Variants in GAS2 observed in about 807,000 individuals in gnomAD.
GAS2 encodes the protein growth arrest specific 2, also known as growth arrest-specific protein 2.
GAS2 carries 20 observed loss-of-function variants against 37.5 expected under a neutral mutation model. The observed-to-expected ratio is 0.53, with a 90% CI of 0.37 to 0.77. GAS2 has a LOEUF of 0.77. Ranked by LOEUF, GAS2 falls within the 30% of genes least tolerant of loss-of-function variation. The probability of loss-of-function intolerance (pLI) is 0.00; values close to 1 mark genes in which losing one functional copy is unlikely to be tolerated. For synonymous variants in GAS2, 144 were observed against 132.2 expected (o/e 1.09, Z -0.61); for missense variants, 336 against 373.4 (o/e 0.90, Z 0.82).
In GAS2 at chr11:22,646,857, C is replaced by T. The variant is rs898436553; in HGVS notation, c.-21+21044C>T. Among the ~76,000 whole-genome samples, 5 of 151,664 alleles carry T rather than the reference C, an allele frequency of 3.3e-5. No homozygotes were observed. In the East Asian group the frequency reaches 7.7e-4, roughly 23 times the overall value. On this transcript the variant is annotated intron_variant, in intron 1 of 5. Transcript: ENST00000528582. The stretch of plus-strand genomic sequence containing the variant: ...CTTCCTTCCTTCTTTCTTTTCTTCT[C>T]ATTTGTGCTTGCTTGCTTTCTCTTT...
chr11:22,752,802 A>G (rs1257788499), intron 6 of GAS2, among the ~76,000 whole-genome samples: 2 of 152,106 alleles, frequency 1.3e-5, no homozygotes, highest in Admixed American at 1.3e-4. Flanking sequence ...GAAACCTTCA[A>G]TGTTTCTTCA....
intron 1 of GAS2, among the ~76,000 whole-genome samples, chr11:22,646,696 G>A (rs187582056): frequency 2.4e-3 from 361 of 152,206 alleles, no homozygotes; most frequent in African/African-American, 8.5e-3. Context: ...TATTTTTATG[G>A]CATTTCTTTT....
chr11:22,637,433 T>C lies in GAS2; in HGVS notation c.-21+11620T>C, dbSNP rs1266835269. ...CTTAATATAATATTAATTATATTAATAGTATACTTAATATAATATTAATTA... is the reference window on the plus strand; with the variant it reads ...CTTAATATAATATTAATTATATTAACAGTATACTTAATATAATATTAATTA... On this transcript the variant is annotated intron_variant, in intron 1 of 5. Coordinates refer to the GAS2 transcript ENST00000528582. 6.2e-5 allele frequency among the ~76,000 whole-genome samples: 3 copies of C among 48,058 alleles called. 1 individual carries two copies. The highest frequency in any genetic ancestry group is 9.6e-5 in the Non-Finnish European group (3 of 31,410). 31.5% of individuals were successfully genotyped at this position (48,058 alleles called of 152,430 possible). A position where few individuals can be genotyped will look rare whatever the true frequency, so the allele number is the denominator to read the frequency against.
intron 4 of GAS2, among the ~76,000 whole-genome samples, chr11:22,734,112 C>G (rs1219941022): frequency 1.3e-5 from 2 of 151,614 alleles, no homozygotes; most frequent in Admixed American, 6.6e-5. Flanking sequence ...ATTATCTTGA[C>G]AAAGGTATAC....
In GAS2 at chr11:22,704,076, A is replaced by G. The variant is rs145651844; in HGVS notation, c.267+18287A>G. ...GTGACAAGGAAGAAAAGAACCCTAC[A>G]ATGAAGGTGAAACAACTCAATAAAT... On this transcript the variant is annotated intron_variant, in intron 3 of 7. Transcript: ENST00000454584. Among the ~76,000 whole-genome samples, 285 of 152,286 alleles carry G rather than the reference A, an allele frequency of 1.9e-3. 2 individuals are homozygous for G. Among genetic ancestry groups the G allele is most frequent in the African/African-American group, 6.3e-3 (264 of 41,576 alleles).
chr11:22,650,024 G>A (rs377182091), intron 1 of GAS2, among the ~76,000 whole-genome samples: 1 of 151,184 alleles, frequency 6.6e-6, no homozygotes. Flanking sequence ...TGTCAATTTT[G>A]GATCTTTCCT....
chr11:22,745,701 A>G (rs143108759), intron 5 of GAS2, among the ~76,000 whole-genome samples: 7 of 152,328 alleles, frequency 4.6e-5, no homozygotes, highest in Non-Finnish European at 4.4e-5. Context: ...CACACCTGAC[A>G]AAGGTCTAAT....
intron 3 of GAS2, chr11:22,702,604 A>G (rs554940957): frequency 6.6e-6 from 1 of 152,312 alleles, no homozygotes; most frequent in South Asian, 2.1e-4. Context: ...AAATTATAAG[A>G]GGGTAAAATA....
chr11:22,638,822 A>G (rs1858874023), intron 1 of GAS2, among the ~76,000 whole-genome samples: 1 of 152,078 alleles, frequency 6.6e-6, no homozygotes, highest in Non-Finnish European at 1.5e-5. Flanking sequence ...AACAAGTAGA[A>G]TTGGACTCCA....
chr11:22,663,982 GTTA>G (rs1485289872), upstream of GAS2, among the ~76,000 whole-genome samples: 1 of 152,072 alleles, frequency 6.6e-6, no homozygotes, highest in African/African-American at 2.4e-5. Context: ...AATGATTTAA[GTTA>G]TTATTAAATA....
rs1410678786 is a variant in GAS2 at position 22,812,202 on chromosome 11, T to C, written c.*186T>C. The C allele has an allele frequency of 1.9e-6, 1 of 531,642 alleles. No individual in the cohort carries two copies. Among genetic ancestry groups the C allele is most frequent in the South Asian group, 2.9e-5 (1 of 34,134 alleles). 32.9% of individuals were successfully genotyped at this position (531,642 alleles called of 1,614,324 possible). A position where few individuals can be genotyped will look rare whatever the true frequency, so the allele number is the denominator to read the frequency against. ...AATGCTTCTGTAGAATATGACCTAT[T>C]AAAAGAAAATCTAAACTCAAATTTA... On this transcript the variant is annotated 3_prime_UTR_variant, in exon 8 of 8. Transcript: ENST00000454584.
In GAS2 at chr11:22,811,901, G is replaced by T. The variant is rs752428470; in HGVS notation, c.827G>T (p.Arg276Leu). ...HDPCRMLQIS[R>L]VDGKTSPIQS... ...CCCTGCCGAATGCTGCAGATCTCCC[G>T]TGTGGATGGCAAAACATCCCCTATC... is the stretch of plus-strand genomic sequence containing the variant. The change falls in exon 8 of 8, where the codon CGT becomes CTT. Residue 276 changes from arginine (R) to leucine (L), a missense_variant. By Grantham distance (102) the Arg-to-Leu change is moderately radical. Coordinates refer to ENST00000454584, the MANE Select transcript of GAS2 (RefSeq NM_001143830.3). The T allele has an allele frequency of 3.1e-6, 5 of 1,614,090 alleles. No homozygotes were observed. In the South Asian group the frequency reaches 4.4e-5, roughly 14 times the overall value.
chr11:22,638,676 T>C (rs1241095108), intron 1 of GAS2, among the ~76,000 whole-genome samples: 1 of 152,200 alleles, frequency 6.6e-6, no homozygotes, highest in Non-Finnish European at 1.5e-5. Flanking sequence ...CAAGAAATTA[T>C]AGGACACTAT....
chr11:22,731,377 A>G (rs2134191636), intron 4 of GAS2: 1 of 448,154 alleles, frequency 2.2e-6, no homozygotes, highest in Non-Finnish European at 4.5e-6. Context: ...CTGAGAAAGA[A>G]TCTACTCAAC....
At chr11:22,640,549 A>G (rs540896602) in intron 1 of GAS2, among the ~76,000 whole-genome samples, 2 of 152,316 alleles carry the variant, frequency 1.3e-5, no homozygotes, top group South Asian at 2.1e-4. Flanking sequence ...TCTCAAGCAT[A>G]TAAAGAGAAC....
intron 7 of GAS2, among the ~76,000 whole-genome samples, chr11:22,758,522 A>C (rs1473871849): frequency 6.6e-6 from 1 of 152,122 alleles, no homozygotes; most frequent in Non-Finnish European, 1.5e-5. Flanking sequence ...CAATGCAAAG[A>C]ACAATTCAGG....
chr11:22,781,963 T>C (rs1379427461), intron 7 of GAS2, among the ~76,000 whole-genome samples: 1 of 152,204 alleles, frequency 6.6e-6, no homozygotes, highest in African/African-American at 2.4e-5. Context: ...ATAAAAATTG[T>C]TTCTTTATAC....
At chr11:22,789,329 CACAA>C (rs1447320437) in intron 7 of GAS2, among the ~76,000 whole-genome samples, 3 of 124,292 alleles carry the variant, frequency 2.4e-5, no homozygotes, top group South Asian at 5.0e-4. Flanking sequence ...CACACACACA[CACAA>C]ACACACACAC....
At chr11:22,676,489 A>G (rs1480386685) in intron 2 of GAS2, among the ~76,000 whole-genome samples, 1 of 152,134 alleles carries the variant, frequency 6.6e-6, no homozygotes, top group Non-Finnish European at 1.5e-5. Flanking sequence ...TACCTCTGCC[A>G]CTTGCTAGCA....
Sources: gnomAD v4.1 joint callset for allele counts (sites outside exome capture counted in the v4.1 genomes callset) on GRCh38, gnomAD v4.1.1 for gene constraint, MANE v1.5 for transcripts, NCBI Gene and HGNC (gene_info 2026-07-23, HGNC 2026-07-21) for gene names.